NFYC: variants seen among roughly 807,000 people sequenced by gnomAD.
NFYC encodes the protein nuclear transcription factor Y subunit gamma.
NFYC carries 25 observed loss-of-function variants against 53.1 expected under a neutral mutation model. That is an observed-to-expected ratio of 0.47 (90% CI 0.34 to 0.66). NFYC has a LOEUF of 0.66. NFYC is among the 30% of genes least tolerant of loss of function. NFYC has a pLI of 0.01. For missense variants in NFYC, 260 were observed against 422.7 expected (o/e 0.62, Z 3.38); for synonymous variants, 145 against 152.6 (o/e 0.95, Z 0.37).
At chr1:40,748,886 C>T (rs1645762157) in intron 3 of NFYC, among the ~76,000 whole-genome samples, 1 of 152,106 alleles carries the variant, frequency 6.6e-6, no homozygotes, top group Non-Finnish European at 1.5e-5. Flanking sequence ...AGTGACTCAC[C>T]CAGAGTGATA....
intron 1 of NFYC, among the ~76,000 whole-genome samples, chr1:40,737,769 T>C (rs1461153690): frequency 6.6e-6 from 1 of 152,186 alleles, no homozygotes; most frequent in Non-Finnish European, 1.5e-5. Flanking sequence ...TCATGTTACC[T>C]ACACAGTTAA....
chr1:40,702,524 A>G (rs920746281), intron 1 of NFYC, among the ~76,000 whole-genome samples: 3 of 151,586 alleles, frequency 2.0e-5, no homozygotes, highest in East Asian at 3.9e-4. Context: ...TTGTATTTTT[A>G]GTAGTGGTGG....
intron 2 of NFYC, among the ~76,000 whole-genome samples, chr1:40,740,623 C>T (rs1645287613): frequency 6.6e-6 from 1 of 152,120 alleles, no homozygotes; most frequent in African/African-American, 2.4e-5. Context: ...TAGTAGTTAT[C>T]TAAACTGTCT....
chr1:40,743,210 T>C (rs1012695301), intron 2 of NFYC, among the ~76,000 whole-genome samples: 1 of 152,234 alleles, frequency 6.6e-6, no homozygotes, highest in South Asian at 2.1e-4. Flanking sequence ...AATTTATCTT[T>C]CATTTTAGCT....
At chr1:40,723,193 T>A (rs1196803846) in intron 1 of NFYC, 1 of 152,190 alleles carries the variant, frequency 6.6e-6, no homozygotes, top group African/African-American at 2.4e-5. Context: ...GAATCACACT[T>A]CTTCCCTCTG....
intron 1 of NFYC, among the ~76,000 whole-genome samples, chr1:40,708,203 A>T (rs752936766): frequency 6.6e-6 from 1 of 152,138 alleles, no homozygotes; most frequent in Non-Finnish European, 1.5e-5. Context: ...AGTTTCACCC[A>T]AGTTGGAAGC....
chr1:40,768,165 A>G (rs1406451753), intron 8 of NFYC, among the ~76,000 whole-genome samples: 1 of 152,226 alleles, frequency 6.6e-6, no homozygotes, highest in Non-Finnish European at 1.5e-5. Flanking sequence ...TGAATGAATA[A>G]TATGTAAATA....
At chr1:40,699,208 A>G (rs553367779) in intron 1 of NFYC, among the ~76,000 whole-genome samples, 4 of 152,138 alleles carry the variant, frequency 2.6e-5, no homozygotes, top group Non-Finnish European at 5.9e-5. Context: ...GAGATGACTC[A>G]TAGGAAATGA....
chr1:40,755,878 G>A (rs1486338544), intron 5 of NFYC, among the ~76,000 whole-genome samples: 1 of 152,096 alleles, frequency 6.6e-6, no homozygotes, highest in Non-Finnish European at 1.5e-5. Flanking sequence ...TCTGGAAGGG[G>A]TTTTTAAAGG....
chr1:40,718,595 A>G (rs765038911), intron 1 of NFYC, among the ~76,000 whole-genome samples: 1 of 152,232 alleles, frequency 6.6e-6, no homozygotes, highest in African/African-American at 2.4e-5. Context: ...ACTTTTTGGA[A>G]CAAAGCATGG....
intron 7 of NFYC, among the ~76,000 whole-genome samples, chr1:40,763,693 T>C (rs943413170): frequency 6.6e-6 from 1 of 152,194 alleles, no homozygotes; most frequent in African/African-American, 2.4e-5. Flanking sequence ...GTTTTGTTTT[T>C]AACCTATATG....
intron 5 of NFYC, 31 bp downstream of exon 5, chr1:40,753,277 G>T: frequency 6.7e-7 from 1 of 1,496,214 alleles, no homozygotes; most frequent in South Asian, 1.1e-5. Context: ...AGTTGCTGCT[G>T]ACTGAAGAGC....
chr1:40,695,121 C>G (rs1371023178), intron 1 of NFYC, among the ~76,000 whole-genome samples: 2 of 151,996 alleles, frequency 1.3e-5, no homozygotes, highest in South Asian at 2.1e-4. Context: ...CGCCTGTAAT[C>G]CCAGCTACTC....
intron 7 of NFYC, 181 bp downstream of exon 7, chr1:40,763,227 T>G (rs1197209733): frequency 1.5e-5 from 7 of 482,278 alleles, no homozygotes; most frequent in African/African-American, 6.1e-5. Flanking sequence ...TATATGTATG[T>G]CTCTATATAT....
At chr1:40,707,945 A>C (rs556533291) in intron 1 of NFYC, among the ~76,000 whole-genome samples, 2 of 152,146 alleles carry the variant, frequency 1.3e-5, no homozygotes, top group Non-Finnish European at 2.9e-5. Context: ...AGTCCATCAA[A>C]TTATAATGTG....
chr1:40,727,854 T>C (rs1434401658), intron 1 of NFYC, among the ~76,000 whole-genome samples: 1 of 147,814 alleles, frequency 6.8e-6, no homozygotes, highest in Non-Finnish European at 1.5e-5. Flanking sequence ...CTTAATGGTA[T>C]TTAAAATGGT....
intron 5 of NFYC, among the ~76,000 whole-genome samples, chr1:40,755,067 A>G (rs1646136560): frequency 6.6e-6 from 1 of 152,174 alleles, no homozygotes; most frequent in Non-Finnish European, 1.5e-5. Context: ...CCAGGCTTCA[A>G]ATTGGCTGGC....
intron 5 of NFYC, among the ~76,000 whole-genome samples, chr1:40,755,686 T>G (rs1438452860): frequency 1.3e-5 from 2 of 152,188 alleles, no homozygotes; most frequent in African/African-American, 2.4e-5. Flanking sequence ...TATGCCTTCT[T>G]CCATTCCAGT....
chr1:40,718,704 C>T (rs1644226511), intron 1 of NFYC, among the ~76,000 whole-genome samples: 1 of 152,110 alleles, frequency 6.6e-6, no homozygotes, highest in Non-Finnish European at 1.5e-5. Context: ...AGGATTTTTT[C>T]CAAATAGATA....
Sources: gnomAD v4.1 joint callset for allele counts (sites outside exome capture counted in the v4.1 genomes callset) on GRCh38, gnomAD v4.1.1 for gene constraint, MANE v1.5 for transcripts, NCBI Gene and HGNC (gene_info 2026-07-23, HGNC 2026-07-21) for gene names.